MARK4: variants seen among roughly 807,000 people sequenced by gnomAD.
MARK4 encodes the protein MAP/microtubule affinity-regulating kinase 4.
A neutral mutation model predicts 81.5 loss-of-function variants in MARK4; 19 were observed. That is an observed-to-expected ratio of 0.23 (90% CI 0.16 to 0.34). The LOEUF is 0.34. Among genes scored for constraint, MARK4 ranks in the 10% least tolerant of loss-of-function variants. The pLI, the probability that MARK4 is intolerant of heterozygous loss-of-function variation, is 1.00. For missense variants in MARK4, 772 were observed against 1,058.8 expected, an observed-to-expected ratio of 0.73 and a Z score of 3.76; for synonymous variants, 436 against 439.0, an observed-to-expected ratio of 0.99 and a Z score of 0.08.
intron 1 of MARK4, among the ~76,000 whole-genome samples, chr19:45,254,784 C>T (rs764117622): frequency 6.6e-6 from 1 of 152,232 alleles, no homozygotes; most frequent in African/African-American, 2.4e-5. Context: ...ATGGCACCTT[C>T]CCTCTCCAAG....
rs552382933 is a variant in MARK4 at position 45,303,138 on chromosome 19, C to T, written c.*428C>T. 2.2e-4 allele frequency: 45 copies of T among 202,726 alleles called. No individual in the cohort carries two copies. The highest frequency in any genetic ancestry group is 3.9e-4 in the Non-Finnish European group (39 of 99,884). 12.6% of individuals were successfully genotyped at this position (202,726 alleles called of 1,614,324 possible). On this transcript the variant is annotated 3_prime_UTR_variant, in exon 17 of 17. Coordinates refer to ENST00000262891, the MANE Select transcript of MARK4 (RefSeq NM_001199867.2). ...GGAGTGGGGGTCAGAGAGGCAGATT[C>T]CTTCCCCTCCCGTCCCCTCACGCTC... is the stretch of plus-strand genomic sequence containing the variant.
At position 45,274,503 on chromosome 19, in the gene MARK4, C is replaced by T. The variant is rs188325986; in HGVS notation, c.786+2795C>T. 1.2e-4 allele frequency among the ~76,000 whole-genome samples: 18 copies of T among 151,982 alleles called. No homozygotes were observed. The East Asian group carries it at 2.5e-3, about 21-fold the overall frequency. ...AAAATTAGCTGTGCCTGGTGGCATG[C>T]GCCTGTAATCCCTGCTACTCGGGAG... is the stretch of plus-strand genomic sequence containing the variant. On this transcript the variant is annotated intron_variant, in intron 8 of 16. Transcript: ENST00000262891.
intron 15 of MARK4, chr19:45,298,165 C>T (rs777239383): frequency 2.7e-5 from 43 of 1,613,952 alleles, no homozygotes; most frequent in Middle Eastern, 1.6e-4. Flanking sequence ...TCCCTCTAAA[C>T]GGCAGAACTC....
chr19:45,255,937 A>C (rs966763226), intron 1 of MARK4, among the ~76,000 whole-genome samples: 4 of 152,264 alleles, frequency 2.6e-5, no homozygotes, highest in Non-Finnish European at 4.4e-5. Context: ...GGCAGCTCAG[A>C]GCAGGCAGGT....
rs371387975 is a variant in MARK4, at chr19:45,278,513, C to A, written c.907-3C>A. 40 of 1,613,422 alleles carry A rather than the reference C, an allele frequency of 2.5e-5. No homozygotes were observed. The highest frequency in any genetic ancestry group is 3.0e-5 in the Non-Finnish European group (35 of 1,179,546). On this transcript the variant is annotated splice_polypyrimidine_tract_variant and splice_region_variant and intron_variant, in intron 9 of 16. Transcript: ENST00000262891. ...CCCCCTTCCCTGCTCCTGATGCCTG[C>A]AGCAAATCATGAAAGACAAATGGAT...
At position 45,280,400 on chromosome 19, in the gene MARK4, C is replaced by T. The variant is rs760897998; in HGVS notation, c.1033C>T (p.Arg345Trp). ...IEVMVGMGYT[R>W]EEIKESLTSQ... ...GGTGATGGTGGGTATGGGCTACACA[C>T]GGGAAGAAATCAAAGAGTCCTTGAC... is the stretch of plus-strand genomic sequence containing the variant. Residue 345 changes from arginine (R) to tryptophan (W), a missense_variant, in exon 11 of 17, where the codon CGG (arginine) becomes TGG (tryptophan). By Grantham distance (101) the Arg-to-Trp change is moderately radical. This residue lies in a region of MARK4 where 548 missense variants were observed against 624.3 expected (regional missense o/e 0.88). Coordinates refer to ENST00000262891, the MANE Select transcript of MARK4 (RefSeq NM_001199867.2). 2.6e-5 allele frequency: 42 copies of T among 1,613,974 alleles called. No homozygotes were observed. Among genetic ancestry groups the T allele is most frequent in the South Asian group, 7.7e-5 (7 of 91,074 alleles).
At chr19:45,296,334 C>T (rs559443255) in intron 14 of MARK4, among the ~76,000 whole-genome samples, 2 of 152,312 alleles carry the variant, frequency 1.3e-5, no homozygotes, top group South Asian at 2.1e-4. Context: ...ATAAAAAGGA[C>T]GTTTAGTCCG....
At chr19:45,264,416 G>C (rs1049130015) in intron 4 of MARK4, among the ~76,000 whole-genome samples, 1 of 151,482 alleles carries the variant, frequency 6.6e-6, no homozygotes, top group Admixed American at 6.6e-5. Flanking sequence ...CAGGAGAATC[G>C]CTTGAACCTG....
At chr19:45,273,016 G>A (rs1025395476) in intron 8 of MARK4, among the ~76,000 whole-genome samples, 1 of 152,094 alleles carries the variant, frequency 6.6e-6, no homozygotes, top group Non-Finnish European at 1.5e-5. Flanking sequence ...CATTCCTACT[G>A]GGGCCAGGCA....
chr19:45,283,409 CAAAAAAAAAAAAAAA>C (rs869039919), intron 12 of MARK4, among the ~76,000 whole-genome samples: 2 of 86,404 alleles, frequency 2.3e-5, no homozygotes, highest in East Asian at 6.0e-4. Context: ...GACTTCCTCT[CAAAAAAAAAAAAAAA>C]AAAAAAAAAA....
chr19:45,295,276 G>A (rs1194001637), intron 14 of MARK4, among the ~76,000 whole-genome samples: 7 of 151,852 alleles, frequency 4.6e-5, no homozygotes, highest in South Asian at 4.2e-4. Flanking sequence ...GGACAATGGC[G>A]TGAACCTGGA....
intron 12 of MARK4, among the ~76,000 whole-genome samples, chr19:45,280,969 C>T (rs1970666579): frequency 6.6e-6 from 1 of 152,066 alleles, no homozygotes; most frequent in African/African-American, 2.4e-5. Context: ...AGCAGACACT[C>T]TCTGTCTTGC....
chr19:45,271,814 A>G lies in MARK4; in HGVS notation c.786+106A>G, dbSNP rs566681426. ...GGGCCTCAGTGGTGGGACTGGCCTG[A>G]GTTCTCATGGGAAGATGGGGGATGG... On this transcript the variant is annotated intron_variant, in intron 8 of 16. Coordinates refer to ENST00000262891, the MANE Select transcript of MARK4 (RefSeq NM_001199867.2). The surrounding 1 kb of genome is among the most constrained non-coding windows in gnomAD (Gnocchi z 4.1). 5.8e-4 allele frequency: 628 copies of G among 1,088,616 alleles called. 2 individuals are homozygous for G. The African/African-American group carries it at 8.8e-3, about 15-fold the overall frequency. 67.4% of individuals were successfully genotyped at this position (1,088,616 alleles called of 1,614,324 possible).
At chr19:45,251,710 C>T (rs1164341188) in intron 1 of MARK4, 71 bp downstream of exon 1, 56 of 1,379,838 alleles carry the variant, frequency 4.1e-5, no homozygotes, top group Non-Finnish European at 5.5e-5. Flanking sequence ...CCGTTGTACC[C>T]CTCGCCCCGC....
chr19:45,264,969 G>C (rs1385684956), intron 6 of MARK4, 59 bp downstream of exon 6: 3 of 1,568,540 alleles, frequency 1.9e-6, no homozygotes, highest in East Asian at 4.5e-5. Context: ...GAGGGCGTCT[G>C]AGAGCTGGGC....
intron 7 of MARK4, among the ~76,000 whole-genome samples, chr19:45,269,417 C>T (rs1181084426): frequency 2.0e-5 from 3 of 152,096 alleles, no homozygotes; most frequent in Non-Finnish European, 4.4e-5. Flanking sequence ...CCGAGCAAGC[C>T]AGATGCTATT....
chr19:45,273,106 G>T (rs1254565656), intron 8 of MARK4, among the ~76,000 whole-genome samples: 1 of 151,540 alleles, frequency 6.6e-6, no homozygotes, highest in African/African-American at 2.4e-5. Context: ...GTAAGGGGAT[G>T]GGAGGTGTGG....
At chr19:45,267,509 G>GTA (rs1395650755) in intron 7 of MARK4, among the ~76,000 whole-genome samples, 1 of 152,314 alleles carries the variant, frequency 6.6e-6, no homozygotes, top group East Asian at 1.9e-4. Context: ...ACCTTCCGCT[G>GTA]TATGTCTCAG....
At chr19:45,290,233 C>G (rs1970803947) in intron 13 of MARK4, among the ~76,000 whole-genome samples, 1 of 152,204 alleles carries the variant, frequency 6.6e-6, no homozygotes, top group South Asian at 2.1e-4. Flanking sequence ...TTCTAAACAC[C>G]CAAGGCAAAC....
Sources: allele counts gnomAD v4.1 joint callset (sites outside exome capture counted in the v4.1 genomes callset), GRCh38; gene constraint gnomAD v4.1.1; regional missense constraint gnomAD v4.1.1; non-coding constraint Gnocchi (gnomAD v3.1); transcripts MANE v1.5; gene names NCBI Gene and HGNC (gene_info 2026-07-23, HGNC 2026-07-21).